Variants in ORMDL2 observed in about 807,000 individuals in gnomAD.
ORMDL2 encodes ORM1-like protein 2.
Under a neutral mutation model 13.5 loss-of-function variants are expected in ORMDL2, and 11 were observed. The ratio of observed to expected loss-of-function variants is 0.82; its 90% CI spans 0.51 to 1.35. The LOEUF (loss-of-function observed/expected upper bound fraction) is 1.35. Among genes scored for constraint, ORMDL2 ranks in the 40% most tolerant of loss-of-function variants. The probability of loss-of-function intolerance (pLI) is 0.00; values close to 1 mark genes in which losing one functional copy is unlikely to be tolerated. For synonymous variants in ORMDL2, 73 were observed against 76.5 expected, an observed-to-expected ratio of 0.95 and a Z score of 0.24; for missense variants, 160 against 191.1, an observed-to-expected ratio of 0.84 and a Z score of 0.96.
chr12:55,820,160 C>G (rs542546465), intron 3 of ORMDL2, 100 bp from the exon 4 acceptor site: 1 of 1,188,116 alleles, frequency 8.4e-7, no homozygotes, highest in African/African-American at 1.5e-5. Flanking sequence ...AGCCACTGCA[C>G]TCCAACCTGG....
At position 55,820,512 on chromosome 12, in the gene ORMDL2, T is replaced by C. The variant is rs1880638352; in HGVS notation, c.*117T>C. 8 of 1,235,916 alleles carry C rather than the reference T, an allele frequency of 6.5e-6. No individual in the cohort carries two copies. The highest frequency in any genetic ancestry group is 2.3e-5 in the East Asian group (1 of 42,692). The allele number at this position is 1,235,916 out of a possible 1,614,324, so 76.6% of individuals were successfully genotyped here. ...CTACACCTTTAAAGCCTGAGAACTA[T>C]ACAACCTTTCCCAGACTCCCAAGAA... is the stretch of plus-strand genomic sequence containing the variant. On this transcript the variant is annotated 3_prime_UTR_variant, in exon 4 of 4. Transcript: ENST00000243045.
Position 55,819,091 on chromosome 12 carries a change from G to T in ORMDL2, c.92G>T (p.Gly31Val). 1.2e-6 allele frequency: 2 copies of T among 1,614,122 alleles called. No individual in the cohort carries two copies. The highest frequency in any genetic ancestry group is 1.6e-4 in the Middle Eastern group (1 of 6,062). ...TGGCTGGCCTACATCATCTTGGTAGGATTGCTGCATATGGTTCTACTCAGC... is the reference window on the plus strand; with the variant it reads ...TGGCTGGCCTACATCATCTTGGTAGTATTGCTGCATATGGTTCTACTCAGC... The part of the protein sequence containing the change: ...GIWLAYIILV[G>V]LLHMVLLSIP... The change falls in exon 2 of 4, where the codon GGA (glycine) becomes GTA (valine). Residue 31 changes from glycine (G) to valine (V), a missense_variant. Transcript: ENST00000243045.
intron 3 of ORMDL2, among the ~76,000 whole-genome samples, chr12:55,820,005 A>AGTAAAACT (rs1880623386): frequency 6.6e-6 from 1 of 152,236 alleles, no homozygotes; most frequent in Admixed American, 6.5e-5. Context: ...AACTATATAC[A>AGTAAAACT]GTAAAACTGG....
chr12:55,819,502 A>T lies in ORMDL2; in HGVS notation c.326+9A>T. On this transcript the variant is annotated intron_variant, in intron 3 of 3. Coordinates refer to ENST00000243045, the MANE Select transcript of ORMDL2 (RefSeq NM_014182.5). ...ATCTCTCCTATTGTGCTGTGAGTCT[A>T]TGGGGGAAATGAGATATGCTGGGTT... is the stretch of plus-strand genomic sequence containing the variant. 6.2e-7 allele frequency: 1 copy of T among 1,612,222 alleles called. No homozygotes were observed. The highest frequency in any genetic ancestry group is 8.5e-7 in the Non-Finnish European group (1 of 1,178,964).
Position 55,819,334 on chromosome 12 carries a change from G to C in ORMDL2, c.175-8G>C, listed in dbSNP as rs746279794. 5 of 1,611,908 alleles carry C rather than the reference G, an allele frequency of 3.1e-6. No homozygotes were observed. Among genetic ancestry groups the C allele is most frequent in the Non-Finnish European group, 4.2e-6 (5 of 1,178,476 alleles). ...TGCCCCTCACACTGCCACCTTCCCT[G>C]TTCCCAGGCTACGTATGTCTTCCTT... On this transcript the variant is annotated splice_polypyrimidine_tract_variant and splice_region_variant and intron_variant, in intron 2 of 3. Coordinates refer to ENST00000243045, the MANE Select transcript of ORMDL2 (RefSeq NM_014182.5).
intron 1 of ORMDL2, 79 bp downstream of exon 1, chr12:55,818,191 A>C (rs868029560): frequency 2.3e-6 from 1 of 435,564 alleles, no homozygotes; most frequent in Non-Finnish European, 4.6e-6. Flanking sequence ...GTGGTGACCT[A>C]AATACTGAGA....
At position 55,818,127 on chromosome 12, in the gene ORMDL2, G is replaced by A; in HGVS notation, c.-2+15G>A. The A allele has an allele frequency of 2.1e-6, 1 of 473,012 alleles. No individual in the cohort carries two copies. Among genetic ancestry groups the A allele is most frequent in the Non-Finnish European group, 4.2e-6 (1 of 238,782 alleles). 29.3% of individuals were successfully genotyped at this position (473,012 alleles called of 1,614,324 possible). A position where few individuals can be genotyped will look rare whatever the true frequency, so the allele number is the denominator to read the frequency against. On this transcript the variant is annotated intron_variant, in intron 1 of 3. Coordinates refer to ENST00000243045, the MANE Select transcript of ORMDL2 (RefSeq NM_014182.5). Reference sequence around the variant, plus strand: ...TGAGCTGGCAGGTAGGAGCTGCAAAGACTGTAAGGGTTGCTGAGGAAAAAT... The same window carrying A: ...TGAGCTGGCAGGTAGGAGCTGCAAAAACTGTAAGGGTTGCTGAGGAAAAAT...
Position 55,820,478 on chromosome 12 carries a change from T to C in ORMDL2, c.*83T>C, listed in dbSNP as rs113256470. 2 of 1,412,762 alleles carry C rather than the reference T, an allele frequency of 1.4e-6. No homozygotes were observed. The highest frequency in any genetic ancestry group is 1.4e-5 in the African/African-American group (1 of 70,988). The allele number at this position is 1,412,762 out of a possible 1,614,324, so 87.5% of individuals were successfully genotyped here. A position where few individuals can be genotyped will look rare whatever the true frequency, so the allele number is the denominator to read the frequency against. On this transcript the variant is annotated 3_prime_UTR_variant, in exon 4 of 4. Coordinates refer to ENST00000243045, the MANE Select transcript of ORMDL2 (RefSeq NM_014182.5). ...TAAAACATCCTTCTCTTATTCTCCA[T>C]ACTGTCTTCTACACCTTTAAAGCCT... is the stretch of plus-strand genomic sequence containing the variant.
intron 1 of ORMDL2, chr12:55,818,766 C>T (rs1195691231): frequency 2.3e-5 from 12 of 512,502 alleles, no homozygotes; most frequent in Admixed American, 6.3e-5. Context: ...TTACAGTTGA[C>T]GTGTAAAGAT....
chr12:55,820,447 G>A lies in ORMDL2; in HGVS notation c.*52G>A. ...GGCATGGGGAAGGCACTGAAACAGA[G>A]GACTATAAAACATCCTTCTCTTATT... On this transcript the variant is annotated 3_prime_UTR_variant, in exon 4 of 4. Coordinates refer to ENST00000243045, the MANE Select transcript of ORMDL2 (RefSeq NM_014182.5). The A allele has an allele frequency of 6.3e-7, 1 of 1,594,504 alleles. No homozygotes were observed. The highest frequency in any genetic ancestry group is 2.2e-5 in the East Asian group (1 of 44,764).
chr12:55,819,686 C>T (rs1262695117), intron 3 of ORMDL2, among the ~76,000 whole-genome samples, 193 bp downstream of exon 3: 2 of 152,184 alleles, frequency 1.3e-5, no homozygotes, highest in Non-Finnish European at 2.9e-5. Context: ...TCAAGCATTC[C>T]TTGCTGCCTC....
rs1880640394 is a variant in ORMDL2 at position 55,820,615 on chromosome 12, G to A, written c.*220G>A. ...TTCTTTGAATCAGGAAGGCAGGTGA[G>A]GTAAGGGCCAAATCACTCTCCTCCA... On this transcript the variant is annotated 3_prime_UTR_variant, in exon 4 of 4. Coordinates refer to ENST00000243045, the MANE Select transcript of ORMDL2 (RefSeq NM_014182.5). 3.6e-6 allele frequency: 2 copies of A among 562,572 alleles called. No homozygotes were observed. The highest frequency in any genetic ancestry group is 1.9e-5 in the African/African-American group (1 of 53,328). 34.8% of individuals were successfully genotyped at this position (562,572 alleles called of 1,614,324 possible).
rs1880634748 is a variant in ORMDL2, at chr12:55,820,390, T to C, written c.457T>C (p.Tyr153His). The C allele has an allele frequency of 6.2e-7, 1 of 1,614,104 alleles. No individual in the cohort carries two copies. Among genetic ancestry groups the C allele is most frequent in the Non-Finnish European group, 8.5e-7 (1 of 1,180,000 alleles). ...HGVRVFGINK[Y>H] ...GGTTCGTGTCTTTGGCATCAACAAA[T>C]ACTGAGGGATGGGTTTTGGGACAGC... Residue 153 changes from tyrosine to histidine, a missense_variant, in exon 4 of 4, where the codon TAC becomes CAC. Tyr to His is a moderately conservative substitution (Grantham distance 83). Transcript: ENST00000243045.
Position 55,820,685 on chromosome 12 carries a change from C to T in ORMDL2, c.*290C>T. ...CAGCTTCTTTGGTGATTACATCTTT[C>T]CATATCTTTTACACTTACCACCTTC... On this transcript the variant is annotated 3_prime_UTR_variant, in exon 4 of 4. Coordinates refer to ENST00000243045, the MANE Select transcript of ORMDL2 (RefSeq NM_014182.5). 2.5e-6 allele frequency: 1 copy of T among 406,398 alleles called. No individual in the cohort carries two copies. Among genetic ancestry groups the T allele is most frequent in the Non-Finnish European group, 4.6e-6 (1 of 217,886 alleles). 25.2% of individuals were successfully genotyped at this position (406,398 alleles called of 1,614,324 possible).
intron 3 of ORMDL2, 72 bp from the exon 4 acceptor site, chr12:55,820,188 G>A (rs1273015957): frequency 5.0e-6 from 7 of 1,412,034 alleles, no homozygotes; most frequent in East Asian, 4.6e-5. Context: ...GGTGAGAACT[G>A]TCTCTTAAAA....
chr12:55,820,652 C>T lies in ORMDL2; in HGVS notation c.*257C>T. ...ATCACTCTCCTCCATAGCAGGAAGC[C>T]ATTTGGGCAGCTTCTTTGGTGATTA... On this transcript the variant is annotated 3_prime_UTR_variant, in exon 4 of 4. Coordinates refer to ENST00000243045, the MANE Select transcript of ORMDL2 (RefSeq NM_014182.5). 1 of 482,724 alleles carries T rather than the reference C, an allele frequency of 2.1e-6. No individual in the cohort carries two copies. The highest frequency in any genetic ancestry group is 3.5e-5 in the East Asian group (1 of 28,954). The allele number at this position is 482,724 out of a possible 1,614,324, so 29.9% of individuals were successfully genotyped here.
rs977110644 is a variant in ORMDL2 at position 55,820,782 on chromosome 12, G to A, written c.*387G>A. ...TATAGCTGCAGTTTAATCAGGATGG[G>A]TAGAGAGCTGTCCTCATAAGGCTGG... On this transcript the variant is annotated 3_prime_UTR_variant, in exon 4 of 4. Coordinates refer to ENST00000243045, the MANE Select transcript of ORMDL2 (RefSeq NM_014182.5). The A allele has an allele frequency of 4.6e-6, 1 of 216,910 alleles. No individual in the cohort carries two copies. The highest frequency in any genetic ancestry group is 2.3e-5 in the African/African-American group (1 of 43,796). The allele number at this position is 216,910 out of a possible 1,614,324, so 13.4% of individuals were successfully genotyped here.
rs774472431 is a variant in ORMDL2 at position 55,819,454 on chromosome 12, C to T, written c.287C>T (p.Thr96Ile). Residue 96 changes from threonine to isoleucine, a missense_variant, in exon 3 of 4, where the codon ACC (threonine) becomes ATC (isoleucine). Transcript: ENST00000243045. ...CAAATGGACTATGGGCTCCAGTTTACCTCTTCCCGCAAGTTCCTCAGCATC... is the reference window on the plus strand; with the variant it reads ...CAAATGGACTATGGGCTCCAGTTTATCTCTTCCCGCAAGTTCCTCAGCATC... ...WEQMDYGLQF[T>I]SSRKFLSISP... 1.9e-6 allele frequency: 3 copies of T among 1,614,102 alleles called. No individual in the cohort carries two copies. The highest frequency in any genetic ancestry group is 2.2e-5 in the East Asian group (1 of 44,880).
intron 3 of ORMDL2, among the ~76,000 whole-genome samples, chr12:55,819,835 G>T (rs1394874552): frequency 6.6e-6 from 1 of 152,188 alleles, no homozygotes; most frequent in Non-Finnish European, 1.5e-5. Flanking sequence ...GAAGCAAAGA[G>T]GACTGTAACA....
Sources: gnomAD v4.1 joint callset for allele counts (sites outside exome capture counted in the v4.1 genomes callset) on GRCh38, gnomAD v4.1.1 for gene constraint, MANE v1.5 for transcripts, NCBI Gene and HGNC (gene_info 2026-07-23, HGNC 2026-07-21) for gene names.